Variants in VMA21 observed in about 807,000 individuals in gnomAD.
VMA21 encodes vacuolar ATPase assembly integral membrane protein VMA21.
For synonymous variants in VMA21, 47 were observed against 34.1 expected, an observed-to-expected ratio of 1.38 and a Z score of -1.32; for missense variants, 61 against 80.6, an observed-to-expected ratio of 0.76 and a Z score of 0.93.
At chrX:151,403,456 A>C (rs2011254728) in intron 1 of VMA21, among the ~76,000 whole-genome samples, 175 bp from the exon 2 acceptor site, 1 of 112,722 alleles carries the variant, frequency 8.9e-6, no homozygotes, top group Non-Finnish European at 1.9e-5. Context: ...GTTCCAGCTC[A>C]AGAAATTCCC....
In VMA21 at chrX:151,405,813, T is replaced by A. The variant is rs1458114026; in HGVS notation, c.*755T>A. 8.9e-6 allele frequency: 1 copy of A among 112,203 alleles called. No homozygotes were observed. Among genetic ancestry groups the A allele is most frequent in the Non-Finnish European group, 1.9e-5 (1 of 53,283 alleles). The allele number at this position is 112,203 out of a possible 1,213,427, so 9.2% of individuals were successfully genotyped here. A position where few individuals can be genotyped will look rare whatever the true frequency, so the allele number is the denominator to read the frequency against. ...ATTCAACATTGAAGCTAGGCTTCAA[T>A]TAAAAGGTTCGAGGAAGCTCCATTT... On this transcript the variant is annotated 3_prime_UTR_variant, in exon 3 of 3. Transcript: ENST00000330374.
intron 2 of VMA21, among the ~76,000 whole-genome samples, chrX:151,404,611 G>A (rs2011268743): frequency 9.1e-6 from 1 of 109,385 alleles, no homozygotes; most frequent in African/African-American, 3.3e-5. Context: ...TAGTAGAGAC[G>A]GGGTTTCACG....
rs773702878 is a variant in VMA21, at chrX:151,407,389, A to G, written c.*2331A>G. 1.8e-5 allele frequency: 2 copies of G among 113,132 alleles called. No individual in the cohort carries two copies. Among genetic ancestry groups the G allele is most frequent in the Admixed American group, 9.4e-5 (1 of 10,681 alleles). The allele number at this position is 113,132 out of a possible 1,213,427, so 9.3% of individuals were successfully genotyped here. A position where few individuals can be genotyped will look rare whatever the true frequency, so the allele number is the denominator to read the frequency against. ...CACTAGTTTGCTGCTGTTTTTAACT[A>G]TGTTAAATAACATATGGTATTTGGC... On this transcript the variant is annotated 3_prime_UTR_variant, in exon 3 of 3. Transcript: ENST00000330374.
chrX:151,400,171 A>T (rs768467700), intron 1 of VMA21, among the ~76,000 whole-genome samples: 3 of 109,177 alleles, frequency 2.7e-5, no homozygotes, highest in Non-Finnish European at 3.8e-5. Flanking sequence ...CCTTTGATGT[A>T]TATCTTCCTA....
intron 1 of VMA21, among the ~76,000 whole-genome samples, chrX:151,400,452 T>C (rs1465887305): frequency 8.9e-6 from 1 of 111,786 alleles, no homozygotes; most frequent in Non-Finnish European, 1.9e-5. Flanking sequence ...TTATTTTGTC[T>C]GTCTACATAC....
intron 1 of VMA21, among the ~76,000 whole-genome samples, chrX:151,398,187 T>TG (rs1383758683): frequency 9.2e-6 from 1 of 108,232 alleles, no homozygotes; most frequent in African/African-American, 3.4e-5. Flanking sequence ...GTGAGTTTTT[T>TG]TTTTTTTTTT....
chrX:151,397,263 C>T lies in VMA21; in HGVS notation c.-46C>T. The T allele has an allele frequency of 2.6e-6, 3 of 1,145,524 alleles. No homozygotes were observed. The highest frequency in any genetic ancestry group is 3.5e-6 in the Non-Finnish European group (3 of 864,134). 94.4% of individuals were successfully genotyped at this position (1,145,524 alleles called of 1,213,427 possible). A position where few individuals can be genotyped will look rare whatever the true frequency, so the allele number is the denominator to read the frequency against. On this transcript the variant is annotated 5_prime_UTR_variant, in exon 1 of 3. Transcript: ENST00000330374. ...CGCGGAGCTTACTGAGCGCGGCCGCCGAGCCCAGCTCCGCCGCCGAGCGCC... is the reference window on the plus strand; with the variant it reads ...CGCGGAGCTTACTGAGCGCGGCCGCTGAGCCCAGCTCCGCCGCCGAGCGCC...
chrX:151,404,645 C>G (rs750735127), intron 2 of VMA21, among the ~76,000 whole-genome samples: 4 of 110,014 alleles, frequency 3.6e-5, no homozygotes, highest in Admixed American at 1.9e-4. Context: ...TGGTTTCCAT[C>G]TCCTGACCTC....
Position 151,403,731 on chromosome X carries a change from A to G in VMA21, c.154A>G (p.Ile52Val). 8.4e-7 allele frequency: 1 copy of G among 1,189,772 alleles called. No homozygotes were observed. Among genetic ancestry groups the G allele is most frequent in the African/African-American group, 1.7e-5 (1 of 57,472 alleles). Residue 52 changes from isoleucine (I) to valine (V), a missense_variant, in exon 2 of 3, where the codon ATA becomes GTA. By Grantham distance (29) the Ile-to-Val change is conservative (BLOSUM62 3). Coordinates refer to ENST00000330374, the MANE Select transcript of VMA21 (RefSeq NM_001017980.4). ...IGLYFTTKSYIFEGALGMSNR... is the reference protein window; with the variant it reads ...IGLYFTTKSYVFEGALGMSNR... Reference sequence around the variant, plus strand: ...GTTATATTTCACAACTAAATCTTACATATTTGAAGGTAATCTTAGACCCAT... The same window carrying G: ...GTTATATTTCACAACTAAATCTTACGTATTTGAAGGTAATCTTAGACCCAT...
rs1336007876 is a variant in VMA21 at position 151,407,186 on chromosome X, G to A, written c.*2128G>A. Reference sequence around the variant, plus strand: ...ATTTGCTGAATAGGTGATGATACATGGGTATTTTTCTGCAAGTATTTAAAC... The same window carrying A: ...ATTTGCTGAATAGGTGATGATACATAGGTATTTTTCTGCAAGTATTTAAAC... On this transcript the variant is annotated 3_prime_UTR_variant, in exon 3 of 3. Transcript: ENST00000330374. The A allele has an allele frequency of 1.8e-4, 20 of 112,874 alleles. No homozygotes were observed. The highest frequency in any genetic ancestry group is 6.4e-4 in the African/African-American group (20 of 31,061). The allele number at this position is 112,874 out of a possible 1,213,427, so 9.3% of individuals were successfully genotyped here. A position where few individuals can be genotyped will look rare whatever the true frequency, so the allele number is the denominator to read the frequency against.
At position 151,403,664 on chromosome X, in the gene VMA21, G is replaced by C. The variant is rs543530271; in HGVS notation, c.87G>C (p.Thr29=). ...GCTCATTAGCATCTACACTGAAGAC[G>C]CTCCTGTTCTTCACAGCTTTAATGA... ...NESSLASTLK[T]LLFFTALMIT... The change falls in exon 2 of 3, where the codon ACG becomes ACC. Residue 29 remains threonine (T), a synonymous_variant. Coordinates refer to ENST00000330374, the MANE Select transcript of VMA21 (RefSeq NM_001017980.4). 8.3e-7 allele frequency: 1 copy of C among 1,208,210 alleles called. No individual in the cohort carries two copies. The highest frequency in any genetic ancestry group is 2.2e-5 in the Admixed American group (1 of 45,843).
chrX:151,397,251 G>GAGCGCGGCCGCCGAGCCC lies in VMA21; in HGVS notation c.-54_-37dup, dbSNP rs1179601100. Reference sequence around the variant, plus strand: ...CGGCCGTTCCCTCGCGGAGCTTACTGAGCGCGGCCGCCGAGCCCAGCTCCG... The same window carrying GAGCGCGGCCGCCGAGCCC: ...CGGCCGTTCCCTCGCGGAGCTTACTGAGCGCGGCCGCCGAGCCCAGCGCGGCCGCCGAGCCCAGCTCCG... On this transcript the variant is annotated 5_prime_UTR_variant, in exon 1 of 3. Coordinates refer to ENST00000330374, the MANE Select transcript of VMA21 (RefSeq NM_001017980.4). The GAGCGCGGCCGCCGAGCCC allele has an allele frequency of 2.0e-5, 23 of 1,133,007 alleles. No homozygotes were observed. Among genetic ancestry groups the GAGCGCGGCCGCCGAGCCC allele is most frequent in the African/African-American group, 1.1e-4 (6 of 55,163 alleles). 93.4% of individuals were successfully genotyped at this position (1,133,007 alleles called of 1,213,427 possible). A position where few individuals can be genotyped will look rare whatever the true frequency, so the allele number is the denominator to read the frequency against.
At chrX:151,404,077 T>G (rs1338040249) in intron 2 of VMA21, among the ~76,000 whole-genome samples, 1 of 21,678 alleles carries the variant, frequency 4.6e-5, no homozygotes, top group Non-Finnish European at 6.4e-5. Flanking sequence ...GATGTTGAAA[T>G]TTTTTTTTTT....
chrX:151,402,617 G>A (rs2011245476), intron 1 of VMA21, among the ~76,000 whole-genome samples: 1 of 112,958 alleles, frequency 8.9e-6, no homozygotes. Context: ...CTCTTAAAAC[G>A]TGTTTGGAAG....
At chrX:151,397,184 G>A (rs1320046265), upstream of VMA21, 6 of 779,230 alleles carry the variant, frequency 7.7e-6, no homozygotes, top group East Asian at 2.1e-4. Context: ...GGCGCGAACG[G>A]GCACTTCCGG....
chrX:151,397,890 G>C (rs1299241111), intron 1 of VMA21, among the ~76,000 whole-genome samples: 1 of 111,829 alleles, frequency 8.9e-6, no homozygotes, highest in Non-Finnish European at 1.9e-5. Context: ...GTAGGCAAGG[G>C]AGTGGTGAGG....
rs2011292633 is a variant in VMA21 at position 151,406,433 on chromosome X, G to C, written c.*1375G>C. 1.8e-5 allele frequency: 2 copies of C among 111,025 alleles called. No homozygotes were observed. Among genetic ancestry groups the C allele is most frequent in the African/African-American group, 6.6e-5 (2 of 30,450 alleles). The allele number at this position is 111,025 out of a possible 1,213,427, so 9.1% of individuals were successfully genotyped here. A position where few individuals can be genotyped will look rare whatever the true frequency, so the allele number is the denominator to read the frequency against. On this transcript the variant is annotated 3_prime_UTR_variant, in exon 3 of 3. Coordinates refer to ENST00000330374, the MANE Select transcript of VMA21 (RefSeq NM_001017980.4). ...GCTCTGTTGCCCAGGCTGGAGTGCA[G>C]TGGTGCAATCTCGGCTCACTGCAAC...
At position 151,409,158 on chromosome X, in the gene VMA21, G is replaced by A. The variant is rs1029707985; in HGVS notation, c.*4100G>A. 1.8e-5 allele frequency: 2 copies of A among 112,262 alleles called. No homozygotes were observed. The highest frequency in any genetic ancestry group is 6.5e-5 in the African/African-American group (2 of 30,794). The allele number at this position is 112,262 out of a possible 1,213,427, so 9.3% of individuals were successfully genotyped here. A position where few individuals can be genotyped will look rare whatever the true frequency, so the allele number is the denominator to read the frequency against. ...GTATTGAATAGTGCCCTGACTAGGGGGAGGATTTGGATGTGCTGCATTTCA... is the reference window on the plus strand; with the variant it reads ...GTATTGAATAGTGCCCTGACTAGGGAGAGGATTTGGATGTGCTGCATTTCA... On this transcript the variant is annotated 3_prime_UTR_variant, in exon 3 of 3. Coordinates refer to ENST00000330374, the MANE Select transcript of VMA21 (RefSeq NM_001017980.4).
chrX:151,402,544 G>A (rs2011244815), intron 1 of VMA21, among the ~76,000 whole-genome samples: 1 of 112,953 alleles, frequency 8.9e-6, no homozygotes, highest in Non-Finnish European at 1.9e-5. Context: ...GTGTTCATCA[G>A]TGATGTTGTC....
Sources: gnomAD v4.1 joint callset for allele counts (sites outside exome capture counted in the v4.1 genomes callset) on GRCh38, gnomAD v4.1.1 for gene constraint, MANE v1.5 for transcripts, NCBI Gene and HGNC (gene_info 2026-07-23, HGNC 2026-07-21) for gene names.